The following ASPG variants were observed in gnomAD, a reference collection of about 807,000 sequenced individuals.
The protein encoded by ASPG is 60 kDa lysophospholipase.
ASPG carries 53 observed loss-of-function variants against 63.2 expected under a neutral mutation model. That is an observed-to-expected ratio of 0.84 (90% CI 0.67 to 1.05). The LOEUF is 1.05. Ranked by LOEUF, ASPG falls within the 50% of genes least tolerant of loss-of-function variation. The pLI is 0.00. For missense variants in ASPG, 741 were observed against 794.4 expected, an observed-to-expected ratio of 0.93 and a Z score of 0.81; for synonymous variants, 370 against 355.0, an observed-to-expected ratio of 1.04 and a Z score of -0.48.
chr14:104,105,468 G>A lies in ASPG; in HGVS notation c.1173+18G>A, dbSNP rs1207160891. 5.8e-6 allele frequency: 9 copies of A among 1,546,742 alleles called. No homozygotes were observed. The highest frequency in any genetic ancestry group is 5.8e-5 in the Admixed American group (3 of 51,654). ...GCAGCCAGGTAATGGCGTGGGACACGGGCCTGAGTGGCAGCTGGGGACTGT... is the reference window on the plus strand; with the variant it reads ...GCAGCCAGGTAATGGCGTGGGACACAGGCCTGAGTGGCAGCTGGGGACTGT... On this transcript the variant is annotated intron_variant, in intron 10 of 15. Coordinates refer to ENST00000551177, the MANE Select transcript of ASPG (RefSeq NM_001080464.3).
At chr14:104,098,718 C>T in intron 5 of ASPG, 135 bp from the exon 6 acceptor site, 2 of 1,376,396 alleles carry the variant, frequency 1.5e-6, no homozygotes, top group Non-Finnish European at 9.8e-7. Flanking sequence ...AGGTCTCTGC[C>T]TGCGGTGGGT....
chr14:104,109,286 G>A lies in ASPG; in HGVS notation c.1491G>A (p.Glu497=). ...REAGASLSTQ[E]LEEAGTELCR... is the part of the protein sequence containing the mutation. The stretch of plus-strand genomic sequence containing the variant: ...CCGGGGCCTCCCTGTCCACCCAGGA[G>A]CTGGAGGAAGCAGGGACGGAGCTGT... The change falls in exon 13 of 16, where the codon GAG becomes GAA. Residue 497 remains glutamate (E), a synonymous_variant. Transcript: ENST00000551177. This position sits in a 1 kb window ranked among gnomAD's most constrained non-coding sequence, Gnocchi z 4.8. 2 of 1,612,644 alleles carry A rather than the reference G, an allele frequency of 1.2e-6. No individual in the cohort carries two copies.
Position 104,111,172 on chromosome 14 carries a change from C to T in ASPG, c.1521-330C>T, listed in dbSNP as rs1314312611. ...GCTCATGTGTGTGTGCACATATGCT[C>T]GTGTGTGTGTGCATGTGTAGGTGTG... On this transcript the variant is annotated intron_variant, in intron 13 of 15. Transcript: ENST00000551177. The T allele has an allele frequency of 1.4e-5, 14 of 984,966 alleles. No individual in the cohort carries two copies. The East Asian group carries it at 4.5e-4, about 32-fold the overall frequency. The allele number at this position is 984,966 out of a possible 1,614,324, so 61.0% of individuals were successfully genotyped here.
rs1307340832 is a variant in ASPG, at chr14:104,109,622, A to G, written c.1520+307A>G. 1.2e-5 allele frequency among the ~76,000 whole-genome samples: 1 copy of G among 81,750 alleles called. No individual in the cohort carries two copies. Among genetic ancestry groups the G allele is most frequent in the Non-Finnish European group, 2.4e-5 (1 of 41,990 alleles). The allele number at this position is 81,750 out of a possible 152,430, so 53.6% of individuals were successfully genotyped here. A position where few individuals can be genotyped will look rare whatever the true frequency, so the allele number is the denominator to read the frequency against. On this transcript the variant is annotated intron_variant, in intron 13 of 15. Transcript: ENST00000551177. The surrounding 1 kb of genome is among the most constrained non-coding windows in gnomAD (Gnocchi z 4.8). ...CATGTGTGTGTGTGTGGTGGGCTTGAGGAGGGGTATGGGAATTGGTTGTCG... is the reference window on the plus strand; with the variant it reads ...CATGTGTGTGTGTGTGGTGGGCTTGGGGAGGGGTATGGGAATTGGTTGTCG...
intron 6 of ASPG, among the ~76,000 whole-genome samples, chr14:104,102,060 T>C (rs1596090963): frequency 6.6e-6 from 1 of 151,916 alleles, no homozygotes; most frequent in Non-Finnish European, 1.5e-5. Flanking sequence ...GCGGGGTGGG[T>C]GTGGGCCCTC....
chr14:104,093,672 G>GGGGAA (rs1363036345), intron 3 of ASPG, 70 bp downstream of exon 3: 10 of 1,136,556 alleles, frequency 8.8e-6, no homozygotes, highest in South Asian at 1.5e-5. Flanking sequence ...GGGTGGGGCT[G>GGGGAA]TGGTGTGTGG....
intron 13 of ASPG, chr14:104,111,223 A>C (rs2037370771): frequency 1.0e-6 from 1 of 967,616 alleles, no homozygotes; most frequent in South Asian, 4.8e-5. Flanking sequence ...GTGTGTGTAC[A>C]TGTATGCTGC....
chr14:104,110,721 G>A lies in ASPG; in HGVS notation c.1521-781G>A, dbSNP rs1431988434. The A allele has an allele frequency of 1.0e-6, 1 of 985,210 alleles. No individual in the cohort carries two copies. The highest frequency in any genetic ancestry group is 1.7e-5 in the African/African-American group (1 of 57,216). The allele number at this position is 985,210 out of a possible 1,614,324, so 61.0% of individuals were successfully genotyped here. ...AGTCCCTAAGGGCCCTCCAGAGGAG[G>A]GGGCAGCCCCTTCCTCACCAGGCCA... On this transcript the variant is annotated intron_variant, in intron 13 of 15. Coordinates refer to ENST00000551177, the MANE Select transcript of ASPG (RefSeq NM_001080464.3). This position sits in a 1 kb window ranked among gnomAD's most constrained non-coding sequence, Gnocchi z 4.7.
intron 6 of ASPG, among the ~76,000 whole-genome samples, chr14:104,100,879 C>T (rs55912904): frequency 0.11 from 16,084 of 152,262 alleles, 951 homozygotes; most frequent in African/African-American, 0.15. Context: ...CCTGCAGGCC[C>T]GGCTCCCCCA....
At chr14:104,112,309 G>A (rs889519270) in intron 15 of ASPG, among the ~76,000 whole-genome samples, 6 of 151,800 alleles carry the variant, frequency 4.0e-5, no homozygotes, top group Admixed American at 1.3e-4. Context: ...CTGCCCCACC[G>A]GGACCCCCTA....
intron 11 of ASPG, 114 bp downstream of exon 11, chr14:104,107,008 A>C (rs2141044796): frequency 7.6e-7 from 1 of 1,316,638 alleles, no homozygotes; most frequent in Non-Finnish European, 1.0e-6. Flanking sequence ...AGCCCTTGTC[A>C]GCCAGACTGG....
At chr14:104,108,990 C>T (rs2037269827) in intron 12 of ASPG, 15 of 985,314 alleles carry the variant, frequency 1.5e-5, no homozygotes, top group African/African-American at 3.5e-5. Context: ...CCTTGCAGAC[C>T]TCAGCTGCCC....
intron 6 of ASPG, among the ~76,000 whole-genome samples, chr14:104,101,783 C>T (rs2036888221): frequency 6.6e-6 from 1 of 152,214 alleles, no homozygotes; most frequent in Non-Finnish European, 1.5e-5. Context: ...GACCCAGCCA[C>T]CCCAGCTGTG....
chr14:104,112,399 A>G (rs1194002250), intron 15 of ASPG, 125 bp from the exon 16 acceptor site: 1 of 711,920 alleles, frequency 1.4e-6, no homozygotes, highest in East Asian at 2.7e-5. Flanking sequence ...GCCCTCCCAT[A>G]GTCTCAAGCT....
Position 104,110,257 on chromosome 14 carries a change from C to T in ASPG, c.1520+942C>T, listed in dbSNP as rs1203507152. 3.0e-6 allele frequency: 3 copies of T among 984,570 alleles called. No individual in the cohort carries two copies. The East Asian group carries it at 3.4e-4, about 112-fold the overall frequency. 61.0% of individuals were successfully genotyped at this position (984,570 alleles called of 1,614,324 possible). A position where few individuals can be genotyped will look rare whatever the true frequency, so the allele number is the denominator to read the frequency against. On this transcript the variant is annotated intron_variant, in intron 13 of 15. Transcript: ENST00000551177. The surrounding 1 kb of genome is among the most constrained non-coding windows in gnomAD (Gnocchi z 4.7). ...GGAGTGGGTGATGGCGGGGGCTCGG[C>T]TCACTGGCTGGGAGGGGGTGGGTGC... is the stretch of plus-strand genomic sequence containing the variant.
rs924051352 is a variant in ASPG, at chr14:104,085,819, G to A, written c.49G>A (p.Gly17Ser). The A allele has an allele frequency of 7.5e-6, 12 of 1,590,988 alleles. No homozygotes were observed. The highest frequency in any genetic ancestry group is 1.0e-5 in the Non-Finnish European group (12 of 1,174,464). The part of the protein sequence containing the change: ...PERRLLAVYT[G>S]GTIGMRSELG... The stretch of plus-strand genomic sequence containing the variant: ...GCGGAGGCTGCTGGCCGTCTACACC[G>A]GCGGCACCATTGGCATGCGGAGTGA... Residue 17 changes from glycine to serine, a missense_variant, in exon 1 of 16, where the codon GGC becomes AGC. Coordinates refer to ENST00000551177, the MANE Select transcript of ASPG (RefSeq NM_001080464.3).
rs1213069538 is a variant in ASPG at position 104,110,152 on chromosome 14, C to T, written c.1520+837C>T. ...AGAGTCGGAGGCAGGAGACCTGGGC[C>T]GGGTGCAGGTGGTGGCTGGGGTGGG... On this transcript the variant is annotated intron_variant, in intron 13 of 15. Transcript: ENST00000551177. The surrounding 1 kb of genome is among the most constrained non-coding windows in gnomAD (Gnocchi z 4.7). The T allele has an allele frequency of 1.8e-5, 18 of 984,624 alleles. No homozygotes were observed. The South Asian group carries it at 2.8e-4, about 15-fold the overall frequency. The allele number at this position is 984,624 out of a possible 1,614,324, so 61.0% of individuals were successfully genotyped here.
At chr14:104,093,889 GGTGGGGCTGTGTTGTGA>G (rs1326073389) in intron 3 of ASPG, among the ~76,000 whole-genome samples, 17 of 148,498 alleles carry the variant, frequency 1.1e-4, no homozygotes, top group African/African-American at 4.2e-4. Flanking sequence ...GTGTTTTGTG[GGTGGGGCTGTGTTGTGA>G]GTGGGGCTGT....
chr14:104,101,699 C>T (rs920725133), intron 6 of ASPG, among the ~76,000 whole-genome samples: 1 of 152,190 alleles, frequency 6.6e-6, no homozygotes, highest in Non-Finnish European at 1.5e-5. Flanking sequence ...TGGGTCCTTA[C>T]GCTGGGTCAC....
Sources: allele counts gnomAD v4.1 joint callset (sites outside exome capture counted in the v4.1 genomes callset), GRCh38; gene constraint gnomAD v4.1.1; non-coding constraint Gnocchi (gnomAD v3.1); transcripts MANE v1.5; gene names NCBI Gene and HGNC (gene_info 2026-07-23, HGNC 2026-07-21).